Variants in WASL observed in about 807,000 individuals in gnomAD.
The protein encoded by WASL is actin nucleation-promoting factor WASL.
WASL carries 20 observed loss-of-function variants against 55.5 expected under a neutral mutation model. That is an observed-to-expected ratio of 0.36 (90% confidence interval 0.25 to 0.52). The LOEUF is 0.52. Among genes scored for constraint, WASL ranks in the 20% least tolerant of loss-of-function variants. The pLI, the probability that WASL is intolerant of heterozygous loss-of-function variation, is 0.92. For synonymous variants in WASL, 249 were observed against 217.6 expected, an observed-to-expected ratio of 1.14 and a Z score of -1.27; for missense variants, 504 against 622.5, an observed-to-expected ratio of 0.81 and a Z score of 2.03.
chr7:123,748,778 C>T lies in WASL; in HGVS notation c.-44G>A. On this transcript the variant is annotated 5_prime_UTR_variant, in exon 1 of 11. Coordinates refer to ENST00000223023, the MANE Select transcript of WASL (RefSeq NM_003941.4). ...GGGAGTCCAGGGCCGTCTCCTCCGGCGAGTGGGCGAGAGCTCGTTCCCCCT... is the reference window on the plus strand; with the variant it reads ...GGGAGTCCAGGGCCGTCTCCTCCGGTGAGTGGGCGAGAGCTCGTTCCCCCT... 1 of 1,453,252 alleles carries T rather than the reference C, an allele frequency of 6.9e-7. No individual in the cohort carries two copies. Among genetic ancestry groups the T allele is most frequent in the Non-Finnish European group, 9.2e-7 (1 of 1,091,516 alleles). The allele number at this position is 1,453,252 out of a possible 1,614,324, so 90.0% of individuals were successfully genotyped here. A position where few individuals can be genotyped will look rare whatever the true frequency, so the allele number is the denominator to read the frequency against.
In WASL at chr7:123,683,888, T is replaced by C. The variant is rs1803242346; in HGVS notation, c.*631A>G. On this transcript the variant is annotated 3_prime_UTR_variant, in exon 11 of 11. Coordinates refer to ENST00000223023, the MANE Select transcript of WASL (RefSeq NM_003941.4). ...TCCCAGTCTGCAAATACCACTGCTA[T>C]ACCAATAACAGGCAGTATTACTGTA... 6.6e-6 allele frequency: 1 copy of C among 152,034 alleles called. No individual in the cohort carries two copies. Among genetic ancestry groups the C allele is most frequent in the South Asian group, 2.1e-4 (1 of 4,828 alleles). The allele number at this position is 152,034 out of a possible 1,614,324, so 9.4% of individuals were successfully genotyped here. A position where few individuals can be genotyped will look rare whatever the true frequency, so the allele number is the denominator to read the frequency against.
chr7:123,747,336 T>C (rs1804449976), intron 1 of WASL, among the ~76,000 whole-genome samples: 1 of 152,216 alleles, frequency 6.6e-6, no homozygotes, highest in South Asian at 2.1e-4. Context: ...CCACTCCTCT[T>C]GTTTCATCCT....
chr7:123,692,174 A>C (rs1803420001), intron 9 of WASL, among the ~76,000 whole-genome samples, 173 bp downstream of exon 9: 1 of 152,250 alleles, frequency 6.6e-6, no homozygotes, highest in Non-Finnish European at 1.5e-5. Context: ...TCAAAGCTGA[A>C]TTAAAAATTT....
intron 10 of WASL, among the ~76,000 whole-genome samples, chr7:123,687,372 T>C (rs1004527306): frequency 1.3e-5 from 2 of 152,106 alleles, no homozygotes; most frequent in Non-Finnish European, 2.9e-5. Context: ...CTCCTACTAC[T>C]TCTTGTATTT....
At chr7:123,739,878 G>A (rs1220227544) in intron 1 of WASL, among the ~76,000 whole-genome samples, 20 of 55,764 alleles carry the variant, frequency 3.6e-4, no homozygotes, top group South Asian at 2.2e-3. Flanking sequence ...ATTTATATAT[G>A]TGTGTGTGTG....
chr7:123,715,604 A>T lies in WASL; in HGVS notation c.118-6381T>A, dbSNP rs1803828948. 2.6e-5 allele frequency among the ~76,000 whole-genome samples: 4 copies of T among 152,242 alleles called. No homozygotes were observed. The South Asian group carries it at 6.2e-4, about 24-fold the overall frequency. ...TATGACAAATTTTTGGTTACAAATC[A>T]TAAAAGTTTTAGACCTCACCTTCAT... On this transcript the variant is annotated intron_variant, in intron 1 of 10. Transcript: ENST00000223023.
Position 123,704,504 on chromosome 7 carries a change from T to G in WASL, c.460+130A>C. The G allele has an allele frequency of 9.2e-6, 6 of 650,840 alleles. No homozygotes were observed. In the South Asian group the frequency reaches 1.3e-4, roughly 14 times the overall value. 40.3% of individuals were successfully genotyped at this position (650,840 alleles called of 1,614,324 possible). A position where few individuals can be genotyped will look rare whatever the true frequency, so the allele number is the denominator to read the frequency against. On this transcript the variant is annotated intron_variant, in intron 5 of 10. Transcript: ENST00000223023. The stretch of plus-strand genomic sequence containing the variant: ...AGATACTAAACATTACTTACTAATG[T>G]ATGGTACATGTTTCCACAAGGATTA...
chr7:123,694,965 A>G, intron 7 of WASL, 97 bp from the exon 8 acceptor site: 10 of 1,339,054 alleles, frequency 7.5e-6, no homozygotes, highest in Non-Finnish European at 1.0e-5. Flanking sequence ...TATTTTGCCT[A>G]AACTTTTAAC....
intron 1 of WASL, among the ~76,000 whole-genome samples, chr7:123,712,039 T>G (rs759793791): frequency 7.9e-5 from 12 of 152,262 alleles, no homozygotes; most frequent in Non-Finnish European, 1.8e-4. Flanking sequence ...GTGAATTCCC[T>G]CCCACTGTCC....
At chr7:123,725,374 T>C (rs1421127683) in intron 1 of WASL, among the ~76,000 whole-genome samples, 1 of 152,158 alleles carries the variant, frequency 6.6e-6, no homozygotes, top group Non-Finnish European at 1.5e-5. Context: ...ATCTGTTTTT[T>C]TTAAAAAAGG....
intron 1 of WASL, among the ~76,000 whole-genome samples, chr7:123,712,389 A>G (rs1449368153): frequency 2.0e-5 from 3 of 152,180 alleles, no homozygotes. Context: ...TCTGATTTTG[A>G]TAATGATACT....
intron 1 of WASL, among the ~76,000 whole-genome samples, chr7:123,740,081 G>C (rs1562967275): frequency 6.6e-6 from 1 of 151,984 alleles, no homozygotes; most frequent in Non-Finnish European, 1.5e-5. Context: ...AAGTCCTCAA[G>C]ACTTGACTAC....
At chr7:123,740,903 A>C (rs1278936781) in intron 1 of WASL, among the ~76,000 whole-genome samples, 3 of 152,188 alleles carry the variant, frequency 2.0e-5, no homozygotes, top group Non-Finnish European at 4.4e-5. Context: ...AACTTTGATG[A>C]GAAAAGAAAA....
intron 1 of WASL, among the ~76,000 whole-genome samples, chr7:123,746,799 T>C (rs79611567): frequency 0.012 from 1,760 of 152,350 alleles, 109 homozygotes; most frequent in Admixed American, 0.099. Context: ...CCAGTAAAAC[T>C]ACAGGTAAGC....
intron 1 of WASL, among the ~76,000 whole-genome samples, chr7:123,736,867 C>G (rs1804241544): frequency 6.6e-6 from 1 of 151,780 alleles, no homozygotes; most frequent in African/African-American, 2.4e-5. Flanking sequence ...AGGATAAAGC[C>G]TTAGAAAAAA....
intron 1 of WASL, among the ~76,000 whole-genome samples, chr7:123,728,054 T>C (rs1804080594): frequency 6.6e-6 from 1 of 152,216 alleles, no homozygotes; most frequent in Non-Finnish European, 1.5e-5. Context: ...AATATACTGC[T>C]GTATTCATCA....
chr7:123,699,798 C>A (rs925898189), intron 5 of WASL, among the ~76,000 whole-genome samples: 16 of 152,132 alleles, frequency 1.1e-4, no homozygotes, highest in Admixed American at 9.2e-4. Flanking sequence ...TCTTTCTCTA[C>A]CCAAAAATCA....
chr7:123,711,127 C>G (rs997110860), intron 1 of WASL, among the ~76,000 whole-genome samples: 4 of 152,040 alleles, frequency 2.6e-5, no homozygotes, highest in African/African-American at 9.7e-5. Context: ...GAAGTAACAG[C>G]TCACACACAC....
chr7:123,685,332 A>G (rs933194198), intron 10 of WASL, among the ~76,000 whole-genome samples: 1 of 151,642 alleles, frequency 6.6e-6, no homozygotes, highest in African/African-American at 2.4e-5. Flanking sequence ...TCTCTCCCCA[A>G]ACTTCTCTCA....
Sources: allele counts gnomAD v4.1 joint callset (sites outside exome capture counted in the v4.1 genomes callset), GRCh38; gene constraint gnomAD v4.1.1; transcripts MANE v1.5; gene names NCBI Gene and HGNC (gene_info 2026-07-23, HGNC 2026-07-21).